ATRNL1: variants seen among roughly 807,000 people sequenced by gnomAD.
The protein encoded by ATRNL1 is attractin like 1.
In ATRNL1, 95 loss-of-function variants were observed where a neutral mutation model predicts 182.7. The ratio of observed to expected loss-of-function variants is 0.52; its 90% CI spans 0.44 to 0.62. ATRNL1 has a LOEUF of 0.62. ATRNL1 is among the 20% of genes least tolerant of loss of function. The pLI is 0.00. For missense variants in ATRNL1, 1,471 were observed against 1,679.5 expected, an observed-to-expected ratio of 0.88 and a Z score of 2.17; for synonymous variants, 576 against 568.3, an observed-to-expected ratio of 1.01 and a Z score of -0.19.
At chr10:115,448,257 C>A (rs1386752722) in intron 21 of ATRNL1, among the ~76,000 whole-genome samples, 2 of 152,132 alleles carry the variant, frequency 1.3e-5, no homozygotes, top group East Asian at 3.8e-4. Context: ...TGCTACATGG[C>A]ACCTACCCTA....
rs560058250 is a variant in ATRNL1 at position 115,338,141 on chromosome 10, G to GT, written c.3175+3723dup. Among the ~76,000 whole-genome samples the GT allele has an allele frequency of 9.7e-4, 148 of 152,278 alleles. 2 individuals carry two copies. Among genetic ancestry groups the GT allele is most frequent in the South Asian group, 3.5e-3 (17 of 4,816 alleles). On this transcript the variant is annotated intron_variant, in intron 19 of 28. Coordinates refer to ENST00000355044, the MANE Select transcript of ATRNL1 (RefSeq NM_207303.4). ...ATACCCAGGGGTTGGGGACCCCTGT[G>GT]TAATGGACACTTAGGTTGCTTCCAA...
intron 19 of ATRNL1, among the ~76,000 whole-genome samples, chr10:115,356,093 G>T (rs1356411376): frequency 6.6e-6 from 1 of 151,908 alleles, no homozygotes; most frequent in East Asian, 1.9e-4. Flanking sequence ...GAGACTCAAG[G>T]GTAGTAAAAA....
chr10:115,699,979 G>A (rs943500542), intron 26 of ATRNL1, among the ~76,000 whole-genome samples: 5 of 152,196 alleles, frequency 3.3e-5, no homozygotes, highest in African/African-American at 9.6e-5. Flanking sequence ...TTAGGATAAC[G>A]GCCTTCAGCT....
At chr10:115,309,240 T>A (rs1425671190) in intron 17 of ATRNL1, among the ~76,000 whole-genome samples, 1 of 152,114 alleles carries the variant, frequency 6.6e-6, no homozygotes, top group Non-Finnish European at 1.5e-5. Flanking sequence ...TTACTTAGGA[T>A]TGGTTTGGCT....
chr10:115,709,268 A>G (rs1946991928), intron 26 of ATRNL1, among the ~76,000 whole-genome samples: 1 of 151,916 alleles, frequency 6.6e-6, no homozygotes, highest in South Asian at 2.1e-4. Context: ...CACTCACTAC[A>G]ATGCTAGAAT....
chr10:115,753,060 A>C (rs1555070998), intron 27 of ATRNL1, among the ~76,000 whole-genome samples: 18 of 152,062 alleles, frequency 1.2e-4, no homozygotes, highest in Non-Finnish European at 2.6e-4. Flanking sequence ...CATCTAGAAG[A>C]TAGGAATAAT....
intron 8 of ATRNL1, among the ~76,000 whole-genome samples, chr10:115,206,724 A>C (rs1466747153): frequency 6.6e-6 from 1 of 152,270 alleles, no homozygotes; most frequent in South Asian, 2.1e-4. Context: ...TCTAGGGTAC[A>C]TGTGCACAAC....
intron 21 of ATRNL1, among the ~76,000 whole-genome samples, chr10:115,427,642 T>C (rs1216986508): frequency 6.6e-6 from 1 of 152,146 alleles, no homozygotes; most frequent in African/African-American, 2.4e-5. Context: ...TTTTTCTCCA[T>C]GTAAATATTT....
intron 26 of ATRNL1, among the ~76,000 whole-genome samples, chr10:115,645,630 G>A (rs1416091827): frequency 1.3e-5 from 2 of 151,860 alleles, no homozygotes; most frequent in East Asian, 3.9e-4. Context: ...CCATTTAGAT[G>A]AAAAGATGTG....
At chr10:115,506,108 C>T (rs1554981241) in intron 24 of ATRNL1, among the ~76,000 whole-genome samples, 1 of 151,914 alleles carries the variant, frequency 6.6e-6, no homozygotes, top group African/African-American at 2.4e-5. Flanking sequence ...AAATTCATTT[C>T]TTTTTCCCTT....
chr10:115,569,919 T>G (rs1854293136), intron 26 of ATRNL1, among the ~76,000 whole-genome samples: 1 of 152,130 alleles, frequency 6.6e-6, no homozygotes, highest in Non-Finnish European at 1.5e-5. Flanking sequence ...TCAGCAGATT[T>G]GGTGTCTGGC....
intron 24 of ATRNL1, among the ~76,000 whole-genome samples, chr10:115,495,852 C>T (rs965072419): frequency 2.0e-4 from 30 of 151,908 alleles, no homozygotes; most frequent in African/African-American, 7.0e-4. Context: ...GATCAAATGT[C>T]GAGTTCAGGT....
At chr10:115,178,855 G>C (rs1847636032) in intron 8 of ATRNL1, among the ~76,000 whole-genome samples, 1 of 152,050 alleles carries the variant, frequency 6.6e-6, no homozygotes, top group Admixed American at 6.6e-5. Context: ...CTAGTTTCCA[G>C]AACTGTTAGA....
At chr10:115,897,919 A>G in intron 28 of ATRNL1, among the ~76,000 whole-genome samples, 1 of 151,400 alleles carries the variant, frequency 6.6e-6, no homozygotes, top group Non-Finnish European at 1.5e-5. Context: ...ATATTCTCGT[A>G]TAGGTCATCC....
intron 8 of ATRNL1, among the ~76,000 whole-genome samples, chr10:115,184,751 A>G (rs1847877525): frequency 6.6e-6 from 1 of 152,016 alleles, no homozygotes; most frequent in Non-Finnish European, 1.5e-5. Flanking sequence ...GAAAAAAATC[A>G]TAAAACAATG....
At chr10:115,652,596 A>G (rs1357127481) in intron 26 of ATRNL1, among the ~76,000 whole-genome samples, 1 of 152,122 alleles carries the variant, frequency 6.6e-6, no homozygotes, top group Non-Finnish European at 1.5e-5. Flanking sequence ...TACTATTAAT[A>G]GCTAGTAAAA....
At chr10:115,598,571 G>A (rs782696088) in intron 26 of ATRNL1, among the ~76,000 whole-genome samples, 26 of 151,454 alleles carry the variant, frequency 1.7e-4, no homozygotes, top group Non-Finnish European at 3.5e-4. Flanking sequence ...ACCATGTTGG[G>A]CAGGATGGTC....
chr10:115,503,573 T>G (rs1849954270), intron 24 of ATRNL1, among the ~76,000 whole-genome samples: 1 of 152,140 alleles, frequency 6.6e-6, no homozygotes, highest in South Asian at 2.1e-4. Flanking sequence ...TTAAGAAAAT[T>G]TCATTGTTTT....
chr10:115,588,578 T>C (rs782794633), intron 26 of ATRNL1, among the ~76,000 whole-genome samples: 58 of 152,306 alleles, frequency 3.8e-4, no homozygotes, highest in Non-Finnish European at 5.6e-4. Flanking sequence ...ATTGGGGTGC[T>C]TTATGTGTGG....
Sources: gnomAD v4.1 joint callset for allele counts (sites outside exome capture counted in the v4.1 genomes callset) on GRCh38, gnomAD v4.1.1 for gene constraint, MANE v1.5 for transcripts, NCBI Gene and HGNC (gene_info 2026-07-23, HGNC 2026-07-21) for gene names.